The following CHM variants were observed in gnomAD, a reference collection of about 807,000 sequenced individuals.
CHM encodes rab proteins geranylgeranyltransferase component A 1.
CHM carries 10 observed loss-of-function variants against 49.0 expected under a neutral mutation model. That is an observed-to-expected ratio of 0.20 (90% CI 0.13 to 0.35). The LOEUF (loss-of-function observed/expected upper bound fraction) is 0.35, where lower values mean the gene tolerates loss of function less well. Ranked by LOEUF, CHM falls within the 10% of genes least tolerant of loss-of-function variation. CHM has a pLI of 1.00. For synonymous variants in CHM, 184 were observed against 167.5 expected (o/e 1.10, Z -0.76); for missense variants, 455 against 478.4 (o/e 0.95, Z 0.46).
chrX:85,886,739 T>C (rs1284257761), intron 12 of CHM, among the ~76,000 whole-genome samples: 4 of 109,706 alleles, frequency 3.6e-5, no homozygotes, highest in African/African-American at 9.9e-5. Context: ...AGCAAGAAAA[T>C]ATATCATTAA....
chrX:85,868,019 CTGTGTG>C (rs36027427), intron 14 of CHM, among the ~76,000 whole-genome samples: 57 of 95,798 alleles, frequency 6.0e-4, no homozygotes, highest in East Asian at 5.4e-3. Flanking sequence ...ATAGTTACCA[CTGTGTG>C]TGTGTGTGTG....
chrX:85,901,072 AG>A lies in CHM; in HGVS notation c.1349+11del. 4 of 1,122,080 alleles carry A rather than the reference AG, an allele frequency of 3.6e-6. No homozygotes were observed. Among genetic ancestry groups the A allele is most frequent in the Non-Finnish European group, 4.9e-6 (4 of 816,151 alleles). 92.5% of individuals were successfully genotyped at this position (1,122,080 alleles called of 1,213,427 possible). A position where few individuals can be genotyped will look rare whatever the true frequency, so the allele number is the denominator to read the frequency against. On this transcript the variant is annotated intron_variant, in intron 10 of 14. Coordinates refer to ENST00000357749, the MANE Select transcript of CHM (RefSeq NM_000390.4). The stretch of plus-strand genomic sequence containing the variant: ...ATTACCTTCGCTTGCTAATGGGTGG[AG>A]GGGGCCTTACCTGTATTGCACACGT...
chrX:85,958,951 A>T lies in CHM; in HGVS notation c.729T>A (p.Ile243=). The T allele has an allele frequency of 8.3e-7, 1 of 1,211,534 alleles. No homozygotes were observed. ...SKLLYSRGLL[I]DLLIKSNVSR... is the part of the protein sequence containing the mutation. ...TAACATTAGATTTGATTAGAAGATCAATTAGTAATCCTCGAGAATACAGCA... is the reference window on the plus strand; with the variant it reads ...TAACATTAGATTTGATTAGAAGATCTATTAGTAATCCTCGAGAATACAGCA... Residue 243 remains isoleucine, a synonymous_variant, in exon 6 of 15, where the codon ATT becomes ATA. Transcript: ENST00000357749.
rs750804079 is a variant in CHM, at chrX:85,901,192, T to A, written c.1245-4A>T. The A allele has an allele frequency of 3.7e-6, 4 of 1,072,857 alleles. No individual in the cohort carries two copies. Among genetic ancestry groups the A allele is most frequent in the Non-Finnish European group, 5.1e-6 (4 of 780,434 alleles). The allele number at this position is 1,072,857 out of a possible 1,213,427, so 88.4% of individuals were successfully genotyped here. ...CTGATCTATAATTGCTTTACATCTATAAAGAAGATAAGCATACCATAAAAG... is the reference window on the plus strand; with the variant it reads ...CTGATCTATAATTGCTTTACATCTAAAAAGAAGATAAGCATACCATAAAAG... On this transcript the variant is annotated splice_polypyrimidine_tract_variant and splice_region_variant and intron_variant, in intron 9 of 14. Coordinates refer to ENST00000357749, the MANE Select transcript of CHM (RefSeq NM_000390.4).
At chrX:86,015,711 CTT>C (rs1192934914) in intron 2 of CHM, among the ~76,000 whole-genome samples, 29 of 112,450 alleles carry the variant, frequency 2.6e-4, no homozygotes, top group African/African-American at 8.7e-4. Flanking sequence ...AAAAGTGACT[CTT>C]GTTATGTTTT....
chrX:85,965,050 A>C (rs1476646968), intron 4 of CHM, among the ~76,000 whole-genome samples: 1 of 111,963 alleles, frequency 8.9e-6, no homozygotes, highest in African/African-American at 3.2e-5. Flanking sequence ...CCTGTCTCTA[A>C]ACCAAACCAC....
At chrX:85,994,386 C>G in intron 2 of CHM, among the ~76,000 whole-genome samples, 1 of 111,724 alleles carries the variant, frequency 9.0e-6, no homozygotes, top group Non-Finnish European at 1.9e-5. Flanking sequence ...CAGTGCCAGT[C>G]AGGCATTGCT....
intron 14 of CHM, among the ~76,000 whole-genome samples, chrX:85,870,637 T>C (rs1173813568): frequency 2.7e-5 from 3 of 112,155 alleles, no homozygotes; most frequent in Middle Eastern, 4.7e-3. Context: ...ATGAGGACTA[T>C]GGAACTGTCC....
At chrX:86,009,004 C>T (rs1031877099) in intron 2 of CHM, among the ~76,000 whole-genome samples, 1 of 111,956 alleles carries the variant, frequency 8.9e-6, no homozygotes, top group Non-Finnish European at 1.9e-5. Context: ...GCAAATCAAA[C>T]GAGTTCTGTG....
chrX:85,969,095 T>A, intron 4 of CHM: 1 of 680,890 alleles, frequency 1.5e-6, no homozygotes, highest in African/African-American at 2.4e-5. Flanking sequence ...AATTTTAGAT[T>A]CCTATTGCAA....
chrX:86,015,135 C>A (rs1280965455), intron 2 of CHM, among the ~76,000 whole-genome samples: 2 of 110,807 alleles, frequency 1.8e-5, no homozygotes, highest in Admixed American at 9.6e-5. Context: ...TGTCCCCACT[C>A]AAATCTCATC....
intron 2 of CHM, among the ~76,000 whole-genome samples, chrX:86,024,310 C>T (rs746667866): frequency 2.7e-3 from 302 of 112,393 alleles, no homozygotes; most frequent in Non-Finnish European, 4.6e-3. Context: ...TTAAGCAAGG[C>T]CACATCATAG....
At chrX:86,023,496 G>A (rs1423737485) in intron 2 of CHM, among the ~76,000 whole-genome samples, 1 of 111,325 alleles carries the variant, frequency 9.0e-6, no homozygotes, top group Non-Finnish European at 1.9e-5. Context: ...CTCTCACTGA[G>A]TTAGTTGTCC....
chrX:85,941,057 C>T (rs1929074577), intron 8 of CHM, among the ~76,000 whole-genome samples: 1 of 111,463 alleles, frequency 9.0e-6, no homozygotes, highest in African/African-American at 3.3e-5. Flanking sequence ...TACTGTACAT[C>T]CACTATACCT....
intron 2 of CHM, among the ~76,000 whole-genome samples, chrX:86,001,248 G>A (rs772706665): frequency 1.1e-4 from 12 of 110,527 alleles, no homozygotes; most frequent in Non-Finnish European, 2.1e-4. Flanking sequence ...AAATAGAAAC[G>A]ACATGCATAT....
At chrX:85,874,088 A>G (rs967288073) in intron 13 of CHM, among the ~76,000 whole-genome samples, 2 of 111,437 alleles carry the variant, frequency 1.8e-5, no homozygotes, top group South Asian at 7.5e-4. Context: ...GGCCTAGCAC[A>G]CGACAGATGC....
chrX:85,895,136 GTT>G (rs527920499), intron 11 of CHM, among the ~76,000 whole-genome samples: 2 of 82,096 alleles, frequency 2.4e-5, no homozygotes, highest in Middle Eastern at 6.5e-3. Context: ...GTTTTTTTTT[GTT>G]TTTTTTTTTT....
intron 8 of CHM, among the ~76,000 whole-genome samples, chrX:85,948,021 T>C (rs1929511333): frequency 8.9e-6 from 1 of 111,780 alleles, no homozygotes; most frequent in Non-Finnish European, 1.9e-5. Flanking sequence ...GGTTGACAGT[T>C]AAATGCCCTC....
chrX:85,930,158 C>T (rs1452301314), intron 8 of CHM, among the ~76,000 whole-genome samples: 2 of 111,823 alleles, frequency 1.8e-5, no homozygotes, highest in East Asian at 5.6e-4. Context: ...AACCATTAAA[C>T]CATACCTAAC....
Sources: allele counts gnomAD v4.1 joint callset (sites outside exome capture counted in the v4.1 genomes callset), GRCh38; gene constraint gnomAD v4.1.1; transcripts MANE v1.5; gene names NCBI Gene and HGNC (gene_info 2026-07-23, HGNC 2026-07-21).